The following DNMBP variants were observed in gnomAD, a reference collection of about 807,000 sequenced individuals.
DNMBP encodes dynamin binding protein, also known as dynamin-binding protein.
A neutral mutation model predicts 150.0 loss-of-function variants in DNMBP; 87 were observed. The ratio of observed to expected loss-of-function variants is 0.58; its 90% confidence interval spans 0.49 to 0.69. DNMBP has a LOEUF of 0.69. Among genes scored for constraint, DNMBP ranks in the 30% least tolerant of loss-of-function variants. The pLI is 0.00. For synonymous variants in DNMBP, 711 were observed against 750.4 expected (o/e 0.95, Z 0.86); for missense variants, 1,774 against 1,949.0 (o/e 0.91, Z 1.69).
intron 4 of DNMBP, chr10:99,914,229 T>A: frequency 1.3e-6 from 1 of 771,844 alleles, no homozygotes; most frequent in South Asian, 6.8e-5. Context: ...AACACCTTCC[T>A]TTCTATTTGG....
At chr10:99,969,045 T>C (rs763699177) in intron 3 of DNMBP, 70 bp downstream of exon 3, 1 of 1,585,322 alleles carries the variant, frequency 6.3e-7, no homozygotes, top group Non-Finnish European at 8.6e-7. Flanking sequence ...TCAAAAAGGA[T>C]CTGGTTGTCG....
chr10:99,896,232 A>G, intron 10 of DNMBP, 35 bp downstream of exon 10: 1 of 1,608,786 alleles, frequency 6.2e-7, no homozygotes. Context: ...AAAGCTGTCA[A>G]AGATGCGCTA....
intron 1 of DNMBP, among the ~76,000 whole-genome samples, chr10:100,006,997 C>T (rs1369563878): frequency 1.3e-5 from 2 of 152,026 alleles, no homozygotes; most frequent in African/African-American, 4.8e-5. Context: ...GCCTGCAGTC[C>T]CAGCTTACTC....
intron 4 of DNMBP, among the ~76,000 whole-genome samples, chr10:99,913,729 C>T (rs1049628531): frequency 6.6e-6 from 1 of 152,084 alleles, no homozygotes; most frequent in African/African-American, 2.4e-5. Flanking sequence ...TCCTAAAGTT[C>T]GAAGGAAGGG....
At chr10:99,924,705 C>T (rs1300467942) in intron 4 of DNMBP, among the ~76,000 whole-genome samples, 1 of 152,156 alleles carries the variant, frequency 6.6e-6, no homozygotes, top group Non-Finnish European at 1.5e-5. Flanking sequence ...GATCTATGTG[C>T]TGGTATATTA....
At chr10:99,931,472 T>C (rs537068771) in intron 4 of DNMBP, among the ~76,000 whole-genome samples, 1 of 152,234 alleles carries the variant, frequency 6.6e-6, no homozygotes, top group Non-Finnish European at 1.5e-5. Flanking sequence ...TACTTCCTTT[T>C]ACTTTGATCT....
At chr10:99,890,742 C>T (rs756553819) in intron 11 of DNMBP, among the ~76,000 whole-genome samples, 5 of 152,100 alleles carry the variant, frequency 3.3e-5, no homozygotes, top group Admixed American at 6.6e-5. Context: ...CACCTCCCGG[C>T]GTCAAGCAAT....
At chr10:99,929,589 A>G (rs1391104231) in intron 4 of DNMBP, 1 of 640,646 alleles carries the variant, frequency 1.6e-6, no homozygotes, top group Admixed American at 2.6e-5. Flanking sequence ...TATCTTAAGA[A>G]GGCTGGCTGA....
intron 11 of DNMBP, among the ~76,000 whole-genome samples, chr10:99,893,030 T>C (rs561412943): frequency 6.6e-5 from 10 of 152,182 alleles, no homozygotes; most frequent in Admixed American, 6.5e-4. Flanking sequence ...CACAGAAAAA[T>C]ATAATGATAT....
intron 11 of DNMBP, among the ~76,000 whole-genome samples, chr10:99,891,838 T>G (rs1265138538): frequency 1.1e-4 from 15 of 136,494 alleles, no homozygotes; most frequent in African/African-American, 3.9e-4. Flanking sequence ...CCATCTGGGA[T>G]GTGAGGAGCG....
intron 1 of DNMBP, among the ~76,000 whole-genome samples, chr10:99,977,989 T>C (rs948358274): frequency 1.3e-5 from 2 of 152,186 alleles, no homozygotes; most frequent in African/African-American, 4.8e-5. Flanking sequence ...GACTTCTTCA[T>C]CCTCTATGGC....
chr10:99,924,131 G>C (rs867756082), intron 4 of DNMBP, among the ~76,000 whole-genome samples: 2 of 152,102 alleles, frequency 1.3e-5, no homozygotes, highest in Non-Finnish European at 2.9e-5. Context: ...TCCAGCCTGG[G>C]CAACAGAGTA....
chr10:99,957,342 A>T (rs1331516898), intron 3 of DNMBP, 137 bp from the exon 4 acceptor site: 1 of 758,092 alleles, frequency 1.3e-6, no homozygotes, highest in African/African-American at 1.8e-5. Flanking sequence ...AGCATGAACA[A>T]TTTTGACAAT....
intron 1 of DNMBP, among the ~76,000 whole-genome samples, chr10:99,995,358 T>A (rs1239163691): frequency 1.3e-5 from 2 of 152,054 alleles, no homozygotes; most frequent in African/African-American, 4.8e-5. Flanking sequence ...AAAACAGAAA[T>A]CTTATACATC....
intron 4 of DNMBP, among the ~76,000 whole-genome samples, chr10:99,935,690 G>A (rs898209325): frequency 3.9e-5 from 6 of 152,068 alleles, no homozygotes; most frequent in African/African-American, 7.2e-5. Flanking sequence ...TCAGCCTCTC[G>A]AGTAGCTGGG....
chr10:99,917,330 C>T (rs1330189722), intron 4 of DNMBP, among the ~76,000 whole-genome samples: 2 of 152,148 alleles, frequency 1.3e-5, no homozygotes, highest in East Asian at 3.9e-4. Context: ...GTACTCCAGC[C>T]TGGGTGACAT....
At chr10:99,888,428 C>G (rs1416197902) in intron 12 of DNMBP, among the ~76,000 whole-genome samples, 1 of 152,154 alleles carries the variant, frequency 6.6e-6, no homozygotes, top group Non-Finnish European at 1.5e-5. Context: ...CCAGGCTGGT[C>G]TTGAACTCCT....
intron 10 of DNMBP, among the ~76,000 whole-genome samples, chr10:99,895,801 C>A (rs1434205916): frequency 2.6e-5 from 4 of 152,212 alleles, no homozygotes; most frequent in Non-Finnish European, 5.9e-5. Flanking sequence ...TAACAATGGA[C>A]TATTTTCTGG....
chr10:99,944,463 T>C (rs1320872468), intron 4 of DNMBP, among the ~76,000 whole-genome samples: 1 of 152,226 alleles, frequency 6.6e-6, no homozygotes, highest in African/African-American at 2.4e-5. Context: ...AACTACCTCT[T>C]AATGTTTCTA....
Sources: allele counts gnomAD v4.1 joint callset (sites outside exome capture counted in the v4.1 genomes callset), GRCh38; gene constraint gnomAD v4.1.1; transcripts MANE v1.5; gene names NCBI Gene and HGNC (gene_info 2026-07-23, HGNC 2026-07-21).